Variants in GALNT13 observed in about 807,000 individuals in gnomAD.
GALNT13 encodes the protein polypeptide N-acetylgalactosaminyltransferase 13, also known as UDP-GalNAc:polypeptide N-acetylgalactosaminyltransferase 13.
In GALNT13, 28 loss-of-function variants were observed where a neutral mutation model predicts 64.2. That is an observed-to-expected ratio of 0.44 (90% confidence interval 0.32 to 0.60). The LOEUF (loss-of-function observed/expected upper bound fraction) is 0.60, where lower values mean the gene tolerates loss of function less well. Among genes scored for constraint, GALNT13 ranks in the 20% least tolerant of loss-of-function variants. The probability of loss-of-function intolerance (pLI) is 0.05; values close to 1 mark genes in which losing one functional copy is unlikely to be tolerated. For synonymous variants in GALNT13, 214 were observed against 224.6 expected (o/e 0.95, Z 0.42); for missense variants, 577 against 669.8 (o/e 0.86, Z 1.53).
chr2:153,464,463 A>T, the GALNT13 span, among the ~76,000 whole-genome samples: 1 of 152,112 alleles, frequency 6.6e-6, no homozygotes. Flanking sequence ...TGTGTTTTAT[A>T]AATGGAAACT....
chr2:154,397,167 G>T (rs1699093099), intron 10 of GALNT13, among the ~76,000 whole-genome samples: 1 of 152,106 alleles, frequency 6.6e-6, no homozygotes, highest in South Asian at 2.1e-4. Context: ...CGGGAGCAGT[G>T]GTTCACGACT....
At chr2:153,545,644 G>A in the GALNT13 span, among the ~76,000 whole-genome samples, 1 of 152,052 alleles carries the variant, frequency 6.6e-6, no homozygotes, top group Admixed American at 6.5e-5. Flanking sequence ...CCTACCACTT[G>A]GTACTCTGGA....
At chr2:153,635,496 C>T in the GALNT13 span, among the ~76,000 whole-genome samples, 1 of 137,672 alleles carries the variant, frequency 7.3e-6, no homozygotes, top group Non-Finnish European at 1.6e-5. Flanking sequence ...TTTCAGTCTT[C>T]AAGATTTAAG....
chr2:154,438,020 G>A (rs1701080230), intron 11 of GALNT13, among the ~76,000 whole-genome samples: 1 of 152,080 alleles, frequency 6.6e-6, no homozygotes, highest in Non-Finnish European at 1.5e-5. Flanking sequence ...AAGAATTGAT[G>A]TAGTTAAGCT....
chr2:153,424,217 AAC>A, the GALNT13 span, among the ~76,000 whole-genome samples: 596 of 151,262 alleles, frequency 3.9e-3, 2 homozygotes, highest in Middle Eastern at 0.02. Context: ...CTTTATATAA[AAC>A]ACACATTTTT....
chr2:153,439,761 G>C, the GALNT13 span, among the ~76,000 whole-genome samples: 2 of 152,070 alleles, frequency 1.3e-5, no homozygotes, highest in African/African-American at 4.8e-5. Flanking sequence ...GACTTGTTGC[G>C]CTTCCTGGGT....
the GALNT13 span, among the ~76,000 whole-genome samples, chr2:153,445,351 T>A: frequency 6.6e-6 from 1 of 152,202 alleles, no homozygotes; most frequent in African/African-American, 2.4e-5. Flanking sequence ...TTCTTTATTA[T>A]TTATTTTAAA....
At chr2:153,492,310 T>A in the GALNT13 span, among the ~76,000 whole-genome samples, 1 of 152,202 alleles carries the variant, frequency 6.6e-6, no homozygotes, top group Non-Finnish European at 1.5e-5. Flanking sequence ...ACCAGTGTAG[T>A]ATCAGCATCT....
At chr2:154,252,597 C>G (rs992486297) in intron 7 of GALNT13, among the ~76,000 whole-genome samples, 21 of 151,996 alleles carry the variant, frequency 1.4e-4, no homozygotes, top group Non-Finnish European at 2.9e-4. Flanking sequence ...ACCTCGTGAT[C>G]CGCCTGCCTC....
chr2:154,005,544 A>C (rs1265337869), intron 3 of GALNT13, among the ~76,000 whole-genome samples: 2 of 152,176 alleles, frequency 1.3e-5, no homozygotes, highest in Non-Finnish European at 2.9e-5. Context: ...GAGAAACAAC[A>C]CTGGAATCTA....
At chr2:153,258,607 C>T in the GALNT13 span, among the ~76,000 whole-genome samples, 1 of 152,052 alleles carries the variant, frequency 6.6e-6, no homozygotes, top group African/African-American at 2.4e-5. Context: ...ATAAACTTTC[C>T]TCTTGGAACT....
intron 6 of GALNT13, 77 bp from the exon 7 acceptor site, chr2:154,245,735 G>T: frequency 1.1e-6 from 1 of 934,140 alleles, no homozygotes; most frequent in Non-Finnish European, 1.7e-6. Flanking sequence ...CCTCATATCA[G>T]CTATAATCAG....
At chr2:153,290,244 G>A in the GALNT13 span, among the ~76,000 whole-genome samples, 126,026 of 152,030 alleles carry the variant, frequency 0.83, 53,424 homozygotes, top group African/African-American at 0.92. Flanking sequence ...TTTAGCTAAG[G>A]ATTTTGGTAA....
At chr2:153,627,209 T>A in the GALNT13 span, among the ~76,000 whole-genome samples, 1 of 152,188 alleles carries the variant, frequency 6.6e-6, no homozygotes, top group Non-Finnish European at 1.5e-5. Context: ...AAAGCCTTTG[T>A]CCTTAGTGAT....
At chr2:153,767,013 T>C in the GALNT13 span, among the ~76,000 whole-genome samples, 2 of 152,148 alleles carry the variant, frequency 1.3e-5, no homozygotes, top group African/African-American at 4.8e-5. Context: ...GTATATTGTG[T>C]ACTGGTGGGG....
At chr2:153,945,945 A>C (rs922199089) in intron 3 of GALNT13, among the ~76,000 whole-genome samples, 2 of 152,120 alleles carry the variant, frequency 1.3e-5, no homozygotes, top group African/African-American at 4.8e-5. Flanking sequence ...CTGATGCTAG[A>C]CCCATTTAGG....
chr2:153,523,236 C>A, the GALNT13 span, among the ~76,000 whole-genome samples: 68,112 of 151,606 alleles, frequency 0.45, 18,022 homozygotes, highest in East Asian at 0.77. Context: ...CTTTATAGTA[C>A]ATCTTAAAGT....
chr2:153,130,618 C>G, the GALNT13 span, among the ~76,000 whole-genome samples: 1 of 152,148 alleles, frequency 6.6e-6, no homozygotes, highest in African/African-American at 2.4e-5. Context: ...ACCCCAGCTA[C>G]TCTCCCACCT....
chr2:153,826,073 C>T, the GALNT13 span, among the ~76,000 whole-genome samples: 1 of 152,074 alleles, frequency 6.6e-6, no homozygotes, highest in Non-Finnish European at 1.5e-5. Flanking sequence ...AGTTTCTATC[C>T]AACACTACCC....
Sources: gnomAD v4.1 joint callset for allele counts (sites outside exome capture counted in the v4.1 genomes callset) on GRCh38, gnomAD v4.1.1 for gene constraint, MANE v1.5 for transcripts, NCBI Gene and HGNC (gene_info 2026-07-23, HGNC 2026-07-21) for gene names.